Variants in OARD1 observed in about 807,000 individuals in gnomAD.
OARD1 encodes the protein ADP-ribose glycohydrolase OARD1.
OARD1 carries 19 observed loss-of-function variants against 19.7 expected under a neutral mutation model. The ratio of observed to expected loss-of-function variants is 0.96; its 90% confidence interval spans 0.67 to 1.41. OARD1 has a LOEUF of 1.41. OARD1 is among the 40% of genes most tolerant of loss of function. The pLI is 0.00. For missense variants in OARD1, 190 were observed against 183.8 expected, an observed-to-expected ratio of 1.03 and a Z score of -0.20; for synonymous variants, 70 against 61.8, an observed-to-expected ratio of 1.13 and a Z score of -0.62.
chr6:41,085,130 A>T (rs141819543), intron 1 of OARD1, among the ~76,000 whole-genome samples: 5 of 152,182 alleles, frequency 3.3e-5, no homozygotes, highest in African/African-American at 9.7e-5. Flanking sequence ...TATTTTTGGT[A>T]ATTTAAAACT....
intron 5 of OARD1, 42 bp downstream of exon 5, chr6:41,068,799 C>T (rs1181063030): frequency 1.9e-6 from 2 of 1,057,580 alleles, no homozygotes; most frequent in Non-Finnish European, 2.8e-6. Flanking sequence ...GTAAACCCCA[C>T]CAATCAATTA....
At chr6:41,077,000 T>C (rs1763749665), upstream of OARD1, among the ~76,000 whole-genome samples, 1 of 152,228 alleles carries the variant, frequency 6.6e-6, no homozygotes, top group South Asian at 2.1e-4. Flanking sequence ...ATTTAAATAT[T>C]GCTAAATTGG....
chr6:41,065,207 CAAG>C lies in OARD1; in HGVS notation c.*2125_*2127del, dbSNP rs1029013527. ...GTCTAAAGAATCAAGGCTCAAACGC[CAAG>C]AAAAAAATAATAATAATAACCATAA... is the stretch of plus-strand genomic sequence containing the variant. On this transcript the variant is annotated 3_prime_UTR_variant, in exon 6 of 6. Transcript: ENST00000424266. The C allele has an allele frequency of 8.6e-5, 13 of 151,726 alleles. No homozygotes were observed. The highest frequency in any genetic ancestry group is 5.9e-4 in the Admixed American group (9 of 15,242). 9.4% of individuals were successfully genotyped at this position (151,726 alleles called of 1,614,324 possible). A position where few individuals can be genotyped will look rare whatever the true frequency, so the allele number is the denominator to read the frequency against.
chr6:41,082,095 A>G (rs958224309), intron 1 of OARD1, among the ~76,000 whole-genome samples: 1 of 152,244 alleles, frequency 6.6e-6, no homozygotes, highest in Non-Finnish European at 1.5e-5. Flanking sequence ...TCTAGAATGT[A>G]GAACTGGCAT....
At chr6:41,086,082 T>C (rs1764035493) in intron 1 of OARD1, among the ~76,000 whole-genome samples, 2 of 152,216 alleles carry the variant, frequency 1.3e-5, no homozygotes. Flanking sequence ...TGATTCCCTA[T>C]TGCTATATCC....
rs1763408023 is a variant in OARD1 at position 41,071,687 on chromosome 6, GA to G, written c.-41-13del. On this transcript the variant is annotated splice_polypyrimidine_tract_variant and intron_variant, in intron 1 of 5. Coordinates refer to ENST00000424266, the MANE Select transcript of OARD1 (RefSeq NM_001329686.2). The stretch of plus-strand genomic sequence containing the variant: ...AAGTGTTTCTTCAGCTATGAGAAGG[GA>G]AAAGGAAGTAAAAATGCTTAGGCAG... 1 of 1,496,730 alleles carries G rather than the reference GA, an allele frequency of 6.7e-7. No homozygotes were observed. The highest frequency in any genetic ancestry group is 9.3e-7 in the Non-Finnish European group (1 of 1,073,042). 92.7% of individuals were successfully genotyped at this position (1,496,730 alleles called of 1,614,324 possible).
intron 1 of OARD1, chr6:41,084,271 A>G: frequency 6.7e-7 from 1 of 1,484,028 alleles, no homozygotes; most frequent in African/African-American, 1.4e-5. Flanking sequence ...CTATTTGATA[A>G]TTGATATTGC....
chr6:41,069,988 A>G (rs753707002), intron 4 of OARD1, 88 bp downstream of exon 4: 1 of 835,780 alleles, frequency 1.2e-6, no homozygotes, highest in Non-Finnish European at 2.1e-6. Flanking sequence ...CATGATCAAC[A>G]CAAATGCAGT....
intron 1 of OARD1, chr6:41,097,607 C>T: frequency 1.7e-6 from 1 of 572,232 alleles, no homozygotes; most frequent in Non-Finnish European, 3.1e-6. Context: ...CTTTGTCTTA[C>T]TCTTTCAGTC....
chr6:41,084,074 T>C (rs1763979409), intron 1 of OARD1: 4 of 1,613,668 alleles, frequency 2.5e-6, no homozygotes, highest in Non-Finnish European at 3.4e-6. Flanking sequence ...ATGGTGCAGG[T>C]CAGTGGAGGC....
chr6:41,073,536 G>C (rs1763609720), upstream of OARD1, among the ~76,000 whole-genome samples: 3 of 152,048 alleles, frequency 2.0e-5, no homozygotes, highest in Admixed American at 2.0e-4. Context: ...CCGGCCCTTG[G>C]GACAGGAAGC....
At chr6:41,077,739 G>T (rs1317930504) in intron 1 of OARD1, among the ~76,000 whole-genome samples, 1 of 152,084 alleles carries the variant, frequency 6.6e-6, no homozygotes, top group Non-Finnish European at 1.5e-5. Flanking sequence ...TTTGCTCCCT[G>T]TTGGCCAATC....
upstream of OARD1, among the ~76,000 whole-genome samples, chr6:41,076,727 G>A (rs971968393): frequency 6.6e-6 from 1 of 152,232 alleles, no homozygotes; most frequent in Non-Finnish European, 1.5e-5. Flanking sequence ...GCAAGAGCTA[G>A]ACAGACTAAA....
chr6:41,075,060 A>T (rs1242218094), upstream of OARD1, among the ~76,000 whole-genome samples: 1 of 152,200 alleles, frequency 6.6e-6, no homozygotes, highest in Non-Finnish European at 1.5e-5. Flanking sequence ...TTCACTTTTT[A>T]GGGTGAGTTT....
intron 1 of OARD1, among the ~76,000 whole-genome samples, chr6:41,089,161 T>TA (rs1233431062): frequency 3.9e-5 from 6 of 151,972 alleles, no homozygotes; most frequent in Non-Finnish European, 8.8e-5. Context: ...TCTTTGTATT[T>TA]TTAGTAGAGA....
intron 1 of OARD1, among the ~76,000 whole-genome samples, chr6:41,091,248 G>A (rs1403154391): frequency 1.3e-5 from 2 of 152,242 alleles, no homozygotes; most frequent in East Asian, 3.8e-4. Flanking sequence ...CTGACCTGTA[G>A]AAGAGGAGGC....
chr6:41,084,293 T>C (rs543694310), intron 1 of OARD1: 1 of 1,337,074 alleles, frequency 7.5e-7, no homozygotes, highest in Non-Finnish European at 1.0e-6. Flanking sequence ...TTTAACTGCT[T>C]CCTAACCCAC....
intron 1 of OARD1, among the ~76,000 whole-genome samples, chr6:41,077,924 T>A (rs533138342): frequency 6.6e-6 from 1 of 152,314 alleles, no homozygotes; most frequent in East Asian, 1.9e-4. Flanking sequence ...GTAATGGGGT[T>A]GATTAATTTT....
At chr6:41,081,512 T>G (rs1490795918) in intron 1 of OARD1, among the ~76,000 whole-genome samples, 1 of 152,116 alleles carries the variant, frequency 6.6e-6, no homozygotes, top group African/African-American at 2.4e-5. Flanking sequence ...AAGAATTTAT[T>G]CAGGGCTCAC....
Sources: gnomAD v4.1 joint callset for allele counts (sites outside exome capture counted in the v4.1 genomes callset) on GRCh38, gnomAD v4.1.1 for gene constraint, MANE v1.5 for transcripts, NCBI Gene and HGNC (gene_info 2026-07-23, HGNC 2026-07-21) for gene names.